CFHR5: variants seen among roughly 807,000 people sequenced by gnomAD.
The protein encoded by CFHR5 is complement factor H-related protein 5.
Under a neutral mutation model 62.9 loss-of-function variants are expected in CFHR5, and 73 were observed. The observed-to-expected ratio is 1.16, with a 90% CI of 0.96 to 1.41. The LOEUF is 1.41. Ranked by LOEUF, CFHR5 falls within the 40% of genes most tolerant of loss-of-function variation. The pLI, the probability that CFHR5 is intolerant of heterozygous loss-of-function variation, is 0.00. For missense variants in CFHR5, 779 were observed against 679.9 expected (o/e 1.15, Z -1.62); for synonymous variants, 249 against 227.2 (o/e 1.10, Z -0.86).
At chr1:196,986,805 T>A (rs1438286935) in intron 3 of CFHR5, among the ~76,000 whole-genome samples, 1 of 152,184 alleles carries the variant, frequency 6.6e-6, no homozygotes, top group Non-Finnish European at 1.5e-5. Flanking sequence ...TCTTTGCTAT[T>A]GTGAATACTG....
rs1282150279 is a variant in CFHR5, at chr1:196,977,840, G to A, written c.58+118G>A. 6.2e-6 allele frequency: 5 copies of A among 812,268 alleles called. No individual in the cohort carries two copies. The African/African-American group carries it at 8.4e-5, about 14-fold the overall frequency. The allele number at this position is 812,268 out of a possible 1,614,324, so 50.3% of individuals were successfully genotyped here. A position where few individuals can be genotyped will look rare whatever the true frequency, so the allele number is the denominator to read the frequency against. The stretch of plus-strand genomic sequence containing the variant: ...AAATAGCTGAGGATAATTTGAAGGG[G>A]TATCACAATATTCATCTATTTTCTG... On this transcript the variant is annotated intron_variant, in intron 1 of 9. Coordinates refer to ENST00000256785, the MANE Select transcript of CFHR5 (RefSeq NM_030787.4).
At position 196,998,134 on chromosome 1, in the gene CFHR5, A is replaced by T; in HGVS notation, c.977A>T (p.His326Leu). Reference protein sequence around the residue: ...WTELPMCVATHQLKRCKIAGV... With the variant: ...WTELPMCVATLQLKRCKIAGV... ...TTAATATTATTTTTTATAGCAACACACCAACTTAAGAGGTGCAAAATAGCA... is the reference window on the plus strand; with the variant it reads ...TTAATATTATTTTTTATAGCAACACTCCAACTTAAGAGGTGCAAAATAGCA... Residue 326 changes from histidine to leucine, a missense_variant, in exon 7 of 10, where the codon CAC becomes CTC. Transcript: ENST00000256785. The T allele has an allele frequency of 1.3e-6, 2 of 1,535,986 alleles. No individual in the cohort carries two copies. Among genetic ancestry groups the T allele is most frequent in the African/African-American group, 1.4e-5 (1 of 72,650 alleles).
At chr1:196,994,472 G>A (rs369830048) in intron 4 of CFHR5, among the ~76,000 whole-genome samples, 17 of 152,128 alleles carry the variant, frequency 1.1e-4, no homozygotes, top group African/African-American at 4.1e-4. Flanking sequence ...ATACATAATA[G>A]GATTTTATAG....
intron 3 of CFHR5, among the ~76,000 whole-genome samples, chr1:196,989,676 G>T (rs187789914): frequency 6.6e-6 from 1 of 152,076 alleles, no homozygotes; most frequent in African/African-American, 2.4e-5. Context: ...GTAGTGGTGC[G>T]GTTTTGAGTG....
At chr1:197,003,001 G>C (rs1297366226) in intron 8 of CFHR5, among the ~76,000 whole-genome samples, 2 of 152,148 alleles carry the variant, frequency 1.3e-5, no homozygotes, top group East Asian at 3.8e-4. Flanking sequence ...GTAGCATGCT[G>C]TACAGGTTTG....
intron 5 of CFHR5, 56 bp downstream of exon 5, chr1:196,995,955 T>C: frequency 6.3e-7 from 1 of 1,593,156 alleles, no homozygotes; most frequent in Admixed American, 1.7e-5. Flanking sequence ...CACTTATATA[T>C]AAATACACAT....
At chr1:196,996,859 TAGTAAGTAGTA>T (rs879547846) in intron 6 of CFHR5, among the ~76,000 whole-genome samples, 6 of 151,790 alleles carry the variant, frequency 4.0e-5, no homozygotes, top group East Asian at 3.9e-4. Flanking sequence ...AAGTAGTAAG[TAGTAAGTAGTA>T]AGTAAGTAGT....
At chr1:196,983,777 C>A (rs7419075) in intron 2 of CFHR5, among the ~76,000 whole-genome samples, 184 bp from the exon 3 acceptor site, 3 of 151,564 alleles carry the variant, frequency 2.0e-5, no homozygotes, top group Non-Finnish European at 4.4e-5. Context: ...TATTAACTTT[C>A]GTATATATAT....
chr1:196,987,486 T>C (rs1200303460), intron 3 of CFHR5, among the ~76,000 whole-genome samples: 1 of 152,246 alleles, frequency 6.6e-6, no homozygotes, highest in Non-Finnish European at 1.5e-5. Context: ...AGGGTTTTTA[T>C]GGTTTTTAGG....
chr1:196,998,085 T>C (rs558371619), intron 6 of CFHR5, 43 bp from the exon 7 acceptor site: 19 of 1,198,782 alleles, frequency 1.6e-5, no homozygotes, highest in East Asian at 2.6e-5. Context: ...AGATATTTTA[T>C]TGACATAATT....
At chr1:196,986,704 T>C (rs1653691664) in intron 3 of CFHR5, among the ~76,000 whole-genome samples, 1 of 152,194 alleles carries the variant, frequency 6.6e-6, no homozygotes, top group South Asian at 2.1e-4. Flanking sequence ...GAACTCATCC[T>C]TTTTTATGGC....
rs1013913757 is a variant in CFHR5, at chr1:196,994,250, T to C, written c.601T>C (p.Cys201Arg). Residue 201 changes from cysteine to arginine, a missense_variant, in exon 4 of 10, where the codon TGC becomes CGC. Coordinates refer to ENST00000256785, the MANE Select transcript of CFHR5 (RefSeq NM_030787.4). ...TGGGTGGTCACCTAACTTTCCAACA[T>C]GCAAAGGTCAGTATTTATTTTAGAA... is the stretch of plus-strand genomic sequence containing the variant. ...QFGWSPNFPT[C>R]KGQVRSCGPP... 4 of 1,610,736 alleles carry C rather than the reference T, an allele frequency of 2.5e-6. No individual in the cohort carries two copies. The highest frequency in any genetic ancestry group is 1.7e-4 in the Middle Eastern group (1 of 6,056).
At position 196,977,735 on chromosome 1, in the gene CFHR5, C is replaced by CA; in HGVS notation, c.58+14dup. On this transcript the variant is annotated intron_variant, in intron 1 of 9. Coordinates refer to ENST00000256785, the MANE Select transcript of CFHR5 (RefSeq NM_030787.4). ...GTTGGGGGAGAAGGTAAGTTGAAAA[C>CA]AGATCCGAATATTTTAGTTCCTTTT... 1 of 1,597,122 alleles carries CA rather than the reference C, an allele frequency of 6.3e-7. No individual in the cohort carries two copies.
At position 197,000,675 on chromosome 1, in the gene CFHR5, C is replaced by T. The variant is rs1397810738; in HGVS notation, c.1148-1807C>T. The stretch of plus-strand genomic sequence containing the variant: ...CATCTAGGAGGCTCATAGCAGGTAA[C>T]TGCTGAGTCCCTAGATTGGCAGCAC... On this transcript the variant is annotated intron_variant, in intron 7 of 9. Transcript: ENST00000256785. 5.9e-5 allele frequency among the ~76,000 whole-genome samples: 9 copies of T among 152,160 alleles called. 1 individual carries two copies. Among genetic ancestry groups the T allele is most frequent in the South Asian group, 4.1e-4 (2 of 4,830 alleles).
At chr1:196,998,611 AC>A (rs1654055298) in intron 7 of CFHR5, among the ~76,000 whole-genome samples, 1 of 152,072 alleles carries the variant, frequency 6.6e-6, no homozygotes, top group African/African-American at 2.4e-5. Context: ...ACATTAAGAA[AC>A]AATTAAAACC....
At chr1:196,983,823 G>T in intron 2 of CFHR5, 138 bp from the exon 3 acceptor site, 2 of 585,444 alleles carry the variant, frequency 3.4e-6, no homozygotes, top group South Asian at 2.3e-5. Flanking sequence ...TCATTTATAC[G>T]GTAGCATGAC....
upstream of CFHR5, among the ~76,000 whole-genome samples, chr1:196,975,240 A>G (rs1653369675): frequency 2.0e-5 from 3 of 152,168 alleles, 1 homozygote; most frequent in South Asian, 6.2e-4. Flanking sequence ...TAGTGTTGGG[A>G]ATGAAAAAAT....
In CFHR5 at chr1:197,008,529, TAC is replaced by T. The variant is rs1279656189; in HGVS notation, c.1558_1559del (p.Gln520ValfsTer18). On this transcript the variant is annotated frameshift_variant, in exon 10 of 10. Transcript: ENST00000256785. LOFTEE classifies it low-confidence loss of function (END_TRUNC). ...GAAGAAAACATGAACAAAAATAACA[TAC>T]AGTTAAAATGGAGAAACGATGGAAA... 2 of 1,612,678 alleles carry T rather than the reference TAC, an allele frequency of 1.2e-6. No individual in the cohort carries two copies. Among genetic ancestry groups the T allele is most frequent in the African/African-American group, 2.7e-5 (2 of 74,866 alleles).
chr1:197,007,005 T>C (rs1487409112), intron 9 of CFHR5, among the ~76,000 whole-genome samples: 3 of 151,276 alleles, frequency 2.0e-5, no homozygotes, highest in Admixed American at 2.0e-4. Flanking sequence ...CCCGGCTAAT[T>C]TTTGTATTCT....
Sources: allele counts gnomAD v4.1 joint callset (sites outside exome capture counted in the v4.1 genomes callset), GRCh38; gene constraint gnomAD v4.1.1; transcripts MANE v1.5; gene names NCBI Gene and HGNC (gene_info 2026-07-23, HGNC 2026-07-21).